GTPBP1: variants seen among roughly 807,000 people sequenced by gnomAD.
The protein encoded by GTPBP1 is GTP-binding protein 1.
Under a neutral mutation model 62.0 loss-of-function variants are expected in GTPBP1, and 23 were observed. That is an observed-to-expected ratio of 0.37 (90% CI 0.27 to 0.53). The LOEUF is 0.53. GTPBP1 is among the 20% of genes least tolerant of loss of function. The pLI, the probability that GTPBP1 is intolerant of heterozygous loss-of-function variation, is 0.89. For missense variants in GTPBP1, 640 were observed against 917.3 expected, an observed-to-expected ratio of 0.70 and a Z score of 3.90; for synonymous variants, 344 against 364.4, an observed-to-expected ratio of 0.94 and a Z score of 0.64.
intron 4 of GTPBP1, among the ~76,000 whole-genome samples, chr22:38,720,049 C>G (rs2092691651): frequency 6.6e-6 from 1 of 151,730 alleles, no homozygotes; most frequent in African/African-American, 2.4e-5. Context: ...CTGCCTCAGC[C>G]TCCCAAGTAG....
chr22:38,722,792 G>C, intron 5 of GTPBP1: 1 of 1,600,458 alleles, frequency 6.2e-7, no homozygotes, highest in Non-Finnish European at 8.5e-7. Flanking sequence ...GATTTGGCTT[G>C]ATTGTAGGAG....
chr22:38,737,845 C>T (rs775371358), downstream of GTPBP1: 18 of 534,758 alleles, frequency 3.4e-5, no homozygotes, highest in Non-Finnish European at 6.6e-5. The surrounding 1 kb of genome is among the most constrained non-coding windows in gnomAD (Gnocchi z 4.1). Flanking sequence ...AATGCCCGCG[C>T]CCTGGCATGT....
chr22:38,706,249 C>A, intron 1 of GTPBP1, 102 bp downstream of exon 1: 2 of 765,138 alleles, frequency 2.6e-6, no homozygotes, highest in Non-Finnish European at 3.5e-6. Context: ...CCGCGGGGAG[C>A]GCGGAACGGG....
intron 2 of GTPBP1, among the ~76,000 whole-genome samples, chr22:38,713,695 G>T (rs1390909680): frequency 6.6e-6 from 1 of 152,164 alleles, no homozygotes; most frequent in East Asian, 1.9e-4. Flanking sequence ...ATCTCCCTAG[G>T]TTCTTTTTAC....
At chr22:38,738,700 C>T (rs1265913645), downstream of GTPBP1, 14 of 1,613,708 alleles carry the variant, frequency 8.7e-6, no homozygotes, top group African/African-American at 1.3e-5. This position sits in a 1 kb window ranked among gnomAD's most constrained non-coding sequence, Gnocchi z 6.6. Flanking sequence ...AGGCGGACCA[C>T]GGCGAAGCCT....
downstream of GTPBP1, chr22:38,738,405 G>T: frequency 1.8e-6 from 2 of 1,100,344 alleles, no homozygotes; most frequent in Non-Finnish European, 1.3e-6. The surrounding 1 kb of genome is among the most constrained non-coding windows in gnomAD (Gnocchi z 6.6). Flanking sequence ...TTGTGCCACA[G>T]TTTCTGCCTC....
downstream of GTPBP1, chr22:38,739,011 G>T: frequency 6.3e-7 from 1 of 1,594,602 alleles, no homozygotes; most frequent in South Asian, 1.1e-5. The surrounding 1 kb of genome is among the most constrained non-coding windows in gnomAD (Gnocchi z 6.7). Context: ...AGGAAGGCAG[G>T]GTGGGCTCCC....
chr22:38,712,959 G>A (rs1362993404), intron 2 of GTPBP1, among the ~76,000 whole-genome samples: 1 of 152,178 alleles, frequency 6.6e-6, no homozygotes, highest in African/African-American at 2.4e-5. Flanking sequence ...TGGGGCATCA[G>A]GAAATTGTTG....
At position 38,731,010 on chromosome 22, in the gene GTPBP1, T is replaced by TG. The variant is rs2092755850; in HGVS notation, c.*306_*307insG. On this transcript the variant is annotated 3_prime_UTR_variant, in exon 12 of 12. Coordinates refer to ENST00000216044, the MANE Select transcript of GTPBP1 (RefSeq NM_004286.5). Reference sequence around the variant, plus strand: ...TATTATATGTCTCTGTCTCTCTCTATTGTGTGTGTGTGTGTGTGTGTGTGT... The same window carrying TG: ...TATTATATGTCTCTGTCTCTCTCTATGTGTGTGTGTGTGTGTGTGTGTGTGT... The TG allele has an allele frequency of 1.1e-5, 2 of 183,656 alleles. No individual in the cohort carries two copies. The highest frequency in any genetic ancestry group is 2.2e-5 in the Non-Finnish European group (2 of 91,536). The allele number at this position is 183,656 out of a possible 1,614,324, so 11.4% of individuals were successfully genotyped here.
downstream of GTPBP1, chr22:38,741,457 C>T: frequency 3.1e-6 from 5 of 1,603,808 alleles, no homozygotes; most frequent in Non-Finnish European, 4.3e-6. Context: ...GGGGTCAGGA[C>T]CCAGTCACAG....
At chr22:38,738,667 C>A (rs529451583), downstream of GTPBP1, 17 of 1,613,992 alleles carry the variant, frequency 1.1e-5, no homozygotes, top group South Asian at 1.6e-4. This position sits in a 1 kb window ranked among gnomAD's most constrained non-coding sequence, Gnocchi z 6.6. Context: ...AAGGTAACGG[C>A]TGTGGGGCGG....
intron 4 of GTPBP1, among the ~76,000 whole-genome samples, chr22:38,720,490 A>G (rs1403389719): frequency 2.0e-5 from 3 of 151,948 alleles, no homozygotes; most frequent in African/African-American, 7.3e-5. Context: ...TTGGCCTCCC[A>G]AAGTGCTGGG....
At chr22:38,724,161 T>C (rs1028005918) in intron 5 of GTPBP1, 136 bp from the exon 6 acceptor site, 5 of 618,674 alleles carry the variant, frequency 8.1e-6, no homozygotes, top group African/African-American at 7.3e-5. Context: ...TCTCCAGGCA[T>C]TGTGGCATTT....
intron 6 of GTPBP1, 168 bp from the exon 7 acceptor site, chr22:38,725,838 G>A: frequency 1.5e-6 from 1 of 664,556 alleles, no homozygotes; most frequent in Non-Finnish European, 2.7e-6. Context: ...AGCTTGCTAG[G>A]TCAGGGCAAA....
intron 2 of GTPBP1, among the ~76,000 whole-genome samples, chr22:38,709,164 C>T (rs894911805): frequency 1.3e-5 from 2 of 151,980 alleles, no homozygotes; most frequent in Non-Finnish European, 2.9e-5. Flanking sequence ...TGGTGGCAGG[C>T]GCCTGTAATC....
downstream of GTPBP1, chr22:38,741,583 G>C: frequency 6.2e-7 from 1 of 1,613,574 alleles, no homozygotes; most frequent in Non-Finnish European, 8.5e-7. Context: ...TGTGAGACGG[G>C]AGTGAGAGGA....
downstream of GTPBP1, chr22:38,741,150 C>T (rs2092854098): frequency 2.2e-6 from 3 of 1,355,264 alleles, no homozygotes; most frequent in East Asian, 7.5e-5. Flanking sequence ...TTAACCACAC[C>T]CCTGCCCAAG....
chr22:38,721,698 CTCTT>C, intron 4 of GTPBP1, 40 bp from the exon 5 acceptor site: 1 of 1,577,066 alleles, frequency 6.3e-7, no homozygotes, highest in Non-Finnish European at 8.7e-7. Flanking sequence ...CAGCAGCAAT[CTCTT>C]TCTCTCTCGT....
chr22:38,727,200 C>T lies in GTPBP1; in HGVS notation c.1402-13C>T. 6.4e-7 allele frequency: 1 copy of T among 1,552,264 alleles called. No individual in the cohort carries two copies. Among genetic ancestry groups the T allele is most frequent in the Admixed American group, 2.0e-5 (1 of 50,384 alleles). On this transcript the variant is annotated splice_polypyrimidine_tract_variant and intron_variant, in intron 8 of 11. Transcript: ENST00000216044. This position sits in a 1 kb window ranked among gnomAD's most constrained non-coding sequence, Gnocchi z 6.5. ...AATTGTCCCTGAGGGCTGGGGCTCCCTCTTTCTTTCAGATCAAGCGCTCGT... is the reference window on the plus strand; with the variant it reads ...AATTGTCCCTGAGGGCTGGGGCTCCTTCTTTCTTTCAGATCAAGCGCTCGT...
Sources: allele counts gnomAD v4.1 joint callset (sites outside exome capture counted in the v4.1 genomes callset), GRCh38; gene constraint gnomAD v4.1.1; non-coding constraint Gnocchi (gnomAD v3.1); transcripts MANE v1.5; gene names NCBI Gene and HGNC (gene_info 2026-07-23, HGNC 2026-07-21).